EXOC1: variants seen among roughly 807,000 people sequenced by gnomAD.
The protein encoded by EXOC1 is exocyst complex component 1, also known as SEC3-like 1.
A neutral mutation model predicts 107.7 loss-of-function variants in EXOC1; 67 were observed. That is an observed-to-expected ratio of 0.62 (90% CI 0.51 to 0.76). EXOC1 has a LOEUF of 0.76. Among genes scored for constraint, EXOC1 ranks in the 30% least tolerant of loss-of-function variants. The pLI, the probability that EXOC1 is intolerant of heterozygous loss-of-function variation, is 0.00. For missense variants in EXOC1, 833 were observed against 1,055.7 expected, an observed-to-expected ratio of 0.79 and a Z score of 2.92; for synonymous variants, 348 against 353.5, an observed-to-expected ratio of 0.98 and a Z score of 0.17.
At chr4:55,901,460 G>C (rs1179691608) in intron 17 of EXOC1, among the ~76,000 whole-genome samples, 3 of 152,036 alleles carry the variant, frequency 2.0e-5, no homozygotes, top group African/African-American at 7.2e-5. Flanking sequence ...AGTTATGCCA[G>C]TCAATAAAAG....
At chr4:55,888,810 C>T (rs1724178057) in intron 10 of EXOC1, 78 bp from the exon 11 acceptor site, 3 of 1,448,052 alleles carry the variant, frequency 2.1e-6, no homozygotes, top group African/African-American at 1.4e-5. Context: ...CTTTAACTTC[C>T]TCTTGTGCAT....
Position 55,899,882 on chromosome 4 carries a change from A to T in EXOC1, c.2335A>T (p.Asn779Tyr), listed in dbSNP as rs1725689412. ...TTTAGGACAACCTCTTGAAAAACTAAATGTAAATATATTTTCATTCAGTAT... is the reference window on the plus strand; with the variant it reads ...TTTAGGACAACCTCTTGAAAAACTATATGTAAATATATTTTCATTCAGTAT... ...YSLGQPLEKL[N>Y]HFFEGVEARV... The change falls in exon 17 of 19, where the codon AAT (asparagine) becomes TAT (tyrosine). Residue 779 changes from asparagine (N) to tyrosine (Y), a missense_variant and splice_region_variant. This residue lies in a region of EXOC1 where 216 missense variants were observed against 354.4 expected (regional missense o/e 0.61). Coordinates refer to ENST00000381295, the MANE Select transcript of EXOC1 (RefSeq NM_001024924.2). 4 of 1,601,440 alleles carry T rather than the reference A, an allele frequency of 2.5e-6. No individual in the cohort carries two copies. The highest frequency in any genetic ancestry group is 3.4e-6 in the Non-Finnish European group (4 of 1,174,430).
chr4:55,863,082 G>A (rs1189597883), intron 3 of EXOC1, among the ~76,000 whole-genome samples: 1 of 151,984 alleles, frequency 6.6e-6, no homozygotes, highest in East Asian at 1.9e-4. Context: ...TGTGTTTTTT[G>A]TAGAGAAGTG....
intron 5 of EXOC1, among the ~76,000 whole-genome samples, chr4:55,870,222 A>T (rs1722303118): frequency 2.0e-5 from 3 of 152,256 alleles, no homozygotes; most frequent in Admixed American, 2.0e-4. Context: ...CTCAACTAAG[A>T]TATCACATAG....
chr4:55,897,867 T>C (rs1291902003), intron 16 of EXOC1, among the ~76,000 whole-genome samples: 1 of 152,196 alleles, frequency 6.6e-6, no homozygotes, highest in Non-Finnish European at 1.5e-5. Flanking sequence ...CTGCCCGCCT[T>C]GGCCTCCCAA....
rs772224328 is a variant in EXOC1 at position 55,883,849 on chromosome 4, A to G, written c.1251A>G (p.Leu417=). The G allele has an allele frequency of 1.9e-6, 3 of 1,601,612 alleles. No individual in the cohort carries two copies. Among genetic ancestry groups the G allele is most frequent in the East Asian group, 4.5e-5 (2 of 44,298 alleles). Residue 417 remains leucine (L), a synonymous_variant, in exon 10 of 19, where the codon CTA becomes CTG. Transcript: ENST00000381295. ...ATTACATGGATTATTTATCCCGACT[A>G]TATGAAAGAGAAATCAAAGATTTCT... ...TKNYMDYLSR[L]YEREIKDFFE...
intron 9 of EXOC1, among the ~76,000 whole-genome samples, chr4:55,880,838 T>C (rs866108864): frequency 6.6e-6 from 1 of 152,200 alleles, no homozygotes; most frequent in Admixed American, 6.5e-5. Flanking sequence ...TTCCCAGGAA[T>C]GTTGCGTCAT....
intron 2 of EXOC1, among the ~76,000 whole-genome samples, chr4:55,859,402 C>T (rs113367465): frequency 4.1e-4 from 62 of 151,952 alleles, no homozygotes; most frequent in Non-Finnish European, 3.1e-4. Context: ...GTCGTGAAAG[C>T]GCTTATTAAC....
rs955087036 is a variant in EXOC1 at position 55,876,096 on chromosome 4, A to G, written c.1075-1821A>G. 8.1e-6 allele frequency: 8 copies of G among 985,034 alleles called. No individual in the cohort carries two copies. The East Asian group carries it at 7.9e-4, about 98-fold the overall frequency. 61.0% of individuals were successfully genotyped at this position (985,034 alleles called of 1,614,324 possible). A position where few individuals can be genotyped will look rare whatever the true frequency, so the allele number is the denominator to read the frequency against. ...ACCTTTGGCAACATAGAAATAGATAATAGTCCAATGGTAATGCCTGTGTAT... is the reference window on the plus strand; with the variant it reads ...ACCTTTGGCAACATAGAAATAGATAGTAGTCCAATGGTAATGCCTGTGTAT... On this transcript the variant is annotated intron_variant, in intron 8 of 18. Coordinates refer to ENST00000381295, the MANE Select transcript of EXOC1 (RefSeq NM_001024924.2).
intron 8 of EXOC1, among the ~76,000 whole-genome samples, chr4:55,874,786 G>A (rs1333982473): frequency 6.6e-6 from 1 of 152,000 alleles, no homozygotes; most frequent in East Asian, 1.9e-4. Flanking sequence ...ATTTACTAGG[G>A]ATTTCTGTAT....
intron 12 of EXOC1, among the ~76,000 whole-genome samples, chr4:55,890,975 G>A (rs545413070): frequency 3.3e-5 from 5 of 152,278 alleles, no homozygotes; most frequent in African/African-American, 7.2e-5. Context: ...TGATCTGCCC[G>A]CTTTGGCCTC....
chr4:55,867,917 A>C (rs1456547165), intron 4 of EXOC1, among the ~76,000 whole-genome samples: 1 of 152,178 alleles, frequency 6.6e-6, no homozygotes, highest in Non-Finnish European at 1.5e-5. Context: ...TCACCTGGGA[A>C]AAAAAGGAAA....
rs1050732107 is a variant in EXOC1 at position 55,868,592 on chromosome 4, T to G, written c.603+69T>G. 5 of 1,414,044 alleles carry G rather than the reference T, an allele frequency of 3.5e-6. No individual in the cohort carries two copies. The African/African-American group carries it at 7.1e-5, about 20-fold the overall frequency. 87.6% of individuals were successfully genotyped at this position (1,414,044 alleles called of 1,614,324 possible). A position where few individuals can be genotyped will look rare whatever the true frequency, so the allele number is the denominator to read the frequency against. On this transcript the variant is annotated intron_variant, in intron 5 of 18. Coordinates refer to ENST00000381295, the MANE Select transcript of EXOC1 (RefSeq NM_001024924.2). Reference sequence around the variant, plus strand: ...TTGAGAAGGCTAATGATGTTCATATTATACTACCTCAGCACTTAAGCCTTT... The same window carrying G: ...TTGAGAAGGCTAATGATGTTCATATGATACTACCTCAGCACTTAAGCCTTT...
intron 12 of EXOC1, among the ~76,000 whole-genome samples, chr4:55,890,993 G>C (rs937535709): frequency 3.3e-5 from 5 of 152,210 alleles, no homozygotes; most frequent in South Asian, 2.1e-4. Context: ...CTCCCAAAGT[G>C]CTGGGATTAC....
intron 18 of EXOC1, among the ~76,000 whole-genome samples, chr4:55,903,081 C>T (rs1726156865): frequency 6.7e-6 from 1 of 148,918 alleles, no homozygotes. Flanking sequence ...GAGATTGAGG[C>T]TCCAGTGAAC....
chr4:55,870,577 T>A, intron 5 of EXOC1, 101 bp from the exon 6 acceptor site: 1 of 1,118,574 alleles, frequency 8.9e-7, no homozygotes, highest in East Asian at 2.5e-5. Flanking sequence ...TCAAGGAAAT[T>A]TAGCAACATT....
At chr4:55,887,913 T>C (rs1418095690) in intron 10 of EXOC1, among the ~76,000 whole-genome samples, 3 of 142,864 alleles carry the variant, frequency 2.1e-5, no homozygotes, top group Admixed American at 7.0e-5. Context: ...GAGCTTCAGG[T>C]AGCCAAGGCT....
At position 55,870,701 on chromosome 4, in the gene EXOC1, A is replaced by G. The variant is rs1722348651; in HGVS notation, c.627A>G (p.Ala209=). Residue 209 remains alanine (A), a synonymous_variant, in exon 6 of 19, where the codon GCA becomes GCG. Coordinates refer to ENST00000381295, the MANE Select transcript of EXOC1 (RefSeq NM_001024924.2). The part of the protein sequence containing the change: ...LDGANIQSIM[A]SEKQVNILMK... ...AGGCTAACATCCAGTCAATCATGGC[A>G]TCTGAAAAACAAGTCAACATCCTGA... is the stretch of plus-strand genomic sequence containing the variant. 4.3e-6 allele frequency: 7 copies of G among 1,613,738 alleles called. No homozygotes were observed. In the East Asian group the frequency reaches 6.7e-5, roughly 15 times the overall value.
At position 55,890,208 on chromosome 4, in the gene EXOC1, T is replaced by C. The variant is rs906153584; in HGVS notation, c.1376-15T>C. 4.3e-6 allele frequency: 7 copies of C among 1,612,620 alleles called. No individual in the cohort carries two copies. In the Admixed American group the frequency reaches 1.0e-4, roughly 23 times the overall value. ...TTGTGAAGATCACAACTTTCAAAGT[T>C]TTATTATTTCTTAGGTCTTCATGGA... On this transcript the variant is annotated splice_polypyrimidine_tract_variant and intron_variant, in intron 11 of 18. Coordinates refer to ENST00000381295, the MANE Select transcript of EXOC1 (RefSeq NM_001024924.2).
Sources: allele counts gnomAD v4.1 joint callset (sites outside exome capture counted in the v4.1 genomes callset), GRCh38; gene constraint gnomAD v4.1.1; regional missense constraint gnomAD v4.1.1; transcripts MANE v1.5; gene names NCBI Gene and HGNC (gene_info 2026-07-23, HGNC 2026-07-21).